The following HDAC9 variants were observed in gnomAD, a reference collection of about 807,000 sequenced individuals.
HDAC9 encodes MEF-2 interacting transcription repressor (MITR) protein.
A neutral mutation model predicts 139.4 loss-of-function variants in HDAC9; 41 were observed. The observed-to-expected ratio is 0.29, with a 90% confidence interval of 0.23 to 0.38. The LOEUF (loss-of-function observed/expected upper bound fraction) is 0.38, where lower values mean the gene tolerates loss of function less well. Ranked by LOEUF, HDAC9 falls within the 10% of genes least tolerant of loss-of-function variation. The pLI is 1.00. For missense variants in HDAC9, 1,147 were observed against 1,297.0 expected, an observed-to-expected ratio of 0.88 and a Z score of 1.78; for synonymous variants, 517 against 476.2, an observed-to-expected ratio of 1.09 and a Z score of -1.12.
At chr7:18,889,517 C>T (rs1322732631) in intron 22 of HDAC9, among the ~76,000 whole-genome samples, 1 of 151,972 alleles carries the variant, frequency 6.6e-6, no homozygotes, top group East Asian at 1.9e-4. Context: ...AAGTTTGCTG[C>T]ATGGGTGTTT....
At chr7:18,325,083 C>T (rs931973499) in intron 1 of HDAC9, among the ~76,000 whole-genome samples, 2 of 151,918 alleles carry the variant, frequency 1.3e-5, no homozygotes, top group African/African-American at 2.4e-5. Context: ...CCAACAAGTA[C>T]GAGTTGAATC....
intron 1 of HDAC9, among the ~76,000 whole-genome samples, chr7:18,453,655 A>T (rs1274499945): frequency 2.0e-5 from 3 of 152,222 alleles, no homozygotes; most frequent in African/African-American, 7.2e-5. Flanking sequence ...GTTCATTAAT[A>T]CTATATAATA....
chr7:18,907,295 T>C (rs995899432), intron 22 of HDAC9, among the ~76,000 whole-genome samples: 5 of 152,180 alleles, frequency 3.3e-5, no homozygotes, highest in African/African-American at 9.7e-5. Context: ...TTGAAAAATA[T>C]TTCCCAAGTG....
intron 13 of HDAC9, among the ~76,000 whole-genome samples, chr7:18,732,301 C>T (rs1786130165): frequency 6.6e-6 from 1 of 152,180 alleles, no homozygotes; most frequent in East Asian, 1.9e-4. Context: ...TTCTCCCACT[C>T]AGAGGTAACC....
At chr7:18,584,376 C>G (rs1042058299) in intron 2 of HDAC9, among the ~76,000 whole-genome samples, 1 of 152,016 alleles carries the variant, frequency 6.6e-6, no homozygotes, top group Non-Finnish European at 1.5e-5. Context: ...GATCTGCCTG[C>G]CTTGGCCTCC....
In HDAC9 at chr7:18,644,836, A is replaced by G. The variant is rs757204555; in HGVS notation, c.1035+43A>G. On this transcript the variant is annotated intron_variant, in intron 9 of 25. Transcript: ENST00000686413. ...ATCAGCCTTAATCAACCTAAGCAAT[A>G]TCTTTTCACAGGGGAACTCTCTTTC... 5.4e-5 allele frequency: 84 copies of G among 1,562,016 alleles called. No homozygotes were observed. In the South Asian group the frequency reaches 5.8e-4, roughly 11 times the overall value.
chr7:18,642,110 A>G (rs963521732), intron 8 of HDAC9, among the ~76,000 whole-genome samples: 2 of 152,122 alleles, frequency 1.3e-5, no homozygotes, highest in Middle Eastern at 3.2e-3. Flanking sequence ...TAAAGTTTCT[A>G]TGAAGACGAC....
Position 18,939,717 on chromosome 7 carries a change from A to T in HDAC9, c.2937+3775A>T, listed in dbSNP as rs184894560. Among the ~76,000 whole-genome samples the T allele has an allele frequency of 7.5e-3, 1,150 of 152,352 alleles. 4 individuals carry two copies. Among genetic ancestry groups the T allele is most frequent in the Non-Finnish European group, 0.013 (904 of 68,022 alleles). ...TATATGGTAAGCTGTAGGTAAAAAA[A>T]TACAAAAGGATGTCTTTCAGATTGC... On this transcript the variant is annotated intron_variant, in intron 23 of 25. Transcript: ENST00000686413.
intron 2 of HDAC9, among the ~76,000 whole-genome samples, chr7:18,249,806 TAATG>T (rs1794805345): frequency 6.6e-6 from 1 of 152,156 alleles, no homozygotes; most frequent in Admixed American, 6.5e-5. Context: ...ATCTTCCTTT[TAATG>T]AATAGGTTAT....
rs1372121852 is a variant in HDAC9, at chr7:18,996,410, T to C, written c.*348T>C. On this transcript the variant is annotated 3_prime_UTR_variant, in exon 26 of 26. Transcript: ENST00000686413. ...ACTAGATATTGTTAATTTCAGAAGC[T>C]ATGACAGCCAGTGAAATTTTGGGCA... 2 of 174,140 alleles carry C rather than the reference T, an allele frequency of 1.1e-5. No homozygotes were observed. The highest frequency in any genetic ancestry group is 2.4e-5 in the Non-Finnish European group (2 of 81,782). 10.8% of individuals were successfully genotyped at this position (174,140 alleles called of 1,614,324 possible). A position where few individuals can be genotyped will look rare whatever the true frequency, so the allele number is the denominator to read the frequency against.
chr7:18,146,788 G>A (rs1021211063), intron 1 of HDAC9, among the ~76,000 whole-genome samples: 2 of 152,132 alleles, frequency 1.3e-5, no homozygotes, highest in Admixed American at 6.5e-5. Flanking sequence ...AGGAGGAAAA[G>A]CATTCAAATC....
chr7:18,308,044 A>G (rs1799046836), intron 1 of HDAC9, among the ~76,000 whole-genome samples: 1 of 152,208 alleles, frequency 6.6e-6, no homozygotes, highest in African/African-American at 2.4e-5. Flanking sequence ...ACCTACAAAT[A>G]TACATGTATA....
At chr7:18,292,573 C>A (rs1269177649) in intron 1 of HDAC9, among the ~76,000 whole-genome samples, 1 of 151,810 alleles carries the variant, frequency 6.6e-6, no homozygotes, top group African/African-American at 2.4e-5. Context: ...TGTGGAGTTA[C>A]CGCTGTAAAA....
intron 6 of HDAC9, among the ~76,000 whole-genome samples, chr7:18,619,531 A>G (rs933970165): frequency 3.9e-5 from 6 of 152,214 alleles, no homozygotes; most frequent in African/African-American, 1.4e-4. Context: ...AGTGGCAAGT[A>G]TAGGCTATTT....
At chr7:18,627,711 G>C (rs181331766) in intron 6 of HDAC9, among the ~76,000 whole-genome samples, 1 of 152,190 alleles carries the variant, frequency 6.6e-6, no homozygotes, top group East Asian at 1.9e-4. Context: ...CCCGGCAAGT[G>C]ATACATTTCA....
intron 24 of HDAC9, among the ~76,000 whole-genome samples, chr7:18,961,944 T>C (rs1783552357): frequency 6.6e-6 from 1 of 152,132 alleles, no homozygotes. Flanking sequence ...TCCCATTTCT[T>C]CCCAAAGTGA....
chr7:18,356,556 A>C (rs1251030013), intron 1 of HDAC9, among the ~76,000 whole-genome samples: 4 of 151,810 alleles, frequency 2.6e-5, no homozygotes, highest in Non-Finnish European at 4.4e-5. Flanking sequence ...ACCTCTGGCT[A>C]TTTAATGTCC....
At chr7:18,194,211 T>C (rs887892497) in intron 2 of HDAC9, among the ~76,000 whole-genome samples, 2 of 152,238 alleles carry the variant, frequency 1.3e-5, no homozygotes, top group African/African-American at 4.8e-5. Flanking sequence ...TGTAGTCATT[T>C]CTACTTGCAT....
chr7:18,970,481 T>C (rs1784176744), intron 24 of HDAC9, among the ~76,000 whole-genome samples: 1 of 152,238 alleles, frequency 6.6e-6, no homozygotes, highest in Non-Finnish European at 1.5e-5. Context: ...ATATAATTTT[T>C]ATTTTTATCC....
Sources: gnomAD v4.1 joint callset for allele counts (sites outside exome capture counted in the v4.1 genomes callset) on GRCh38, gnomAD v4.1.1 for gene constraint, MANE v1.5 for transcripts, NCBI Gene and HGNC (gene_info 2026-07-23, HGNC 2026-07-21) for gene names.